The following PPP1R13B variants were observed in gnomAD, a reference collection of about 807,000 sequenced individuals.
PPP1R13B encodes the protein protein phosphatase 1 regulatory subunit 13B.
A neutral mutation model predicts 119.8 loss-of-function variants in PPP1R13B; 44 were observed. The ratio of observed to expected loss-of-function variants is 0.37; its 90% confidence interval spans 0.29 to 0.47. The LOEUF is 0.47. Ranked by LOEUF, PPP1R13B falls within the 20% of genes least tolerant of loss-of-function variation. PPP1R13B has a pLI of 0.99. For missense variants in PPP1R13B, 1,227 were observed against 1,413.5 expected (o/e 0.87, Z 2.12); for synonymous variants, 542 against 561.5 (o/e 0.97, Z 0.49).
chr14:103,813,707 GAGTA>G (rs1212102656), intron 1 of PPP1R13B, among the ~76,000 whole-genome samples: 3 of 152,148 alleles, frequency 2.0e-5, no homozygotes, highest in Non-Finnish European at 4.4e-5. Context: ...GGTAAGAGAA[GAGTA>G]ACATAGGGTG....
intron 1 of PPP1R13B, among the ~76,000 whole-genome samples, chr14:103,826,814 CT>C (rs1163528202): frequency 1.3e-5 from 2 of 151,494 alleles, no homozygotes; most frequent in Non-Finnish European, 2.9e-5. Flanking sequence ...AGAGACCATC[CT>C]GGCTAACAAG....
At chr14:103,750,548 AGGCCGGGTGCGGTGGCTCAC>A (rs1397143744) in intron 7 of PPP1R13B, among the ~76,000 whole-genome samples, 20 of 152,354 alleles carry the variant, frequency 1.3e-4, no homozygotes, top group African/African-American at 4.8e-4. Flanking sequence ...ACTGGATTGC[AGGCCGGGTGCGGTGGCTCAC>A]GCCTGTAATC....
At chr14:103,773,597 A>G (rs2085119062) in intron 4 of PPP1R13B, among the ~76,000 whole-genome samples, 1 of 152,234 alleles carries the variant, frequency 6.6e-6, no homozygotes, top group African/African-American at 2.4e-5. Flanking sequence ...AAAAGAACAG[A>G]CGAGAAATAA....
At position 103,756,095 on chromosome 14, in the gene PPP1R13B, C is replaced by CT. The variant is rs111939637; in HGVS notation, c.456+1554dup. On this transcript the variant is annotated intron_variant, in intron 5 of 16. Transcript: ENST00000202556. Reference sequence around the variant, plus strand: ...TAAAGCCAGTTTGGAATTTTTTTTTCTTTTTTTTTTTCATTTTGAGACAGA... The same window carrying CT: ...TAAAGCCAGTTTGGAATTTTTTTTTCTTTTTTTTTTTTCATTTTGAGACAGA... Among the ~76,000 whole-genome samples the CT allele has an allele frequency of 1.3e-3, 192 of 144,722 alleles. 3 individuals carry two copies. In the East Asian group the frequency reaches 0.021, roughly 16 times the overall value. The allele number at this position is 144,722 out of a possible 152,430, so 94.9% of individuals were successfully genotyped here.
intron 4 of PPP1R13B, among the ~76,000 whole-genome samples, chr14:103,774,573 G>T (rs540038627): frequency 6.6e-6 from 1 of 152,072 alleles, no homozygotes; most frequent in Non-Finnish European, 1.5e-5. Flanking sequence ...GAACTTCCCC[G>T]GCTTCTTAGT....
At position 103,784,933 on chromosome 14, in the gene PPP1R13B, CT is replaced by C; in HGVS notation, c.158-20del. The C allele has an allele frequency of 1.3e-6, 2 of 1,542,844 alleles. No individual in the cohort carries two copies. Among genetic ancestry groups the C allele is most frequent in the South Asian group, 1.2e-5 (1 of 82,010 alleles). On this transcript the variant is annotated intron_variant, in intron 2 of 16. Transcript: ENST00000202556. ...GGACGTTCTAGGAAAAAGACCACAT[CT>C]TTTTTACTCCAGAATTAAAATGACT... is the stretch of plus-strand genomic sequence containing the variant.
chr14:103,838,147 CAACAATAAA>C (rs930943559), intron 1 of PPP1R13B, among the ~76,000 whole-genome samples: 6 of 151,610 alleles, frequency 4.0e-5, no homozygotes, highest in African/African-American at 1.2e-4. Flanking sequence ...AAGTAAATAA[CAACAATAAA>C]AACATTTGGT....
intron 1 of PPP1R13B, among the ~76,000 whole-genome samples, chr14:103,801,055 G>T (rs1199513336): frequency 6.6e-6 from 1 of 152,098 alleles, no homozygotes. Context: ...TCTCCACATT[G>T]ATCAGGCTGC....
intron 1 of PPP1R13B, among the ~76,000 whole-genome samples, chr14:103,799,232 G>A (rs564995257): frequency 2.4e-4 from 36 of 152,186 alleles, no homozygotes; most frequent in African/African-American, 8.4e-4. Context: ...AGGCTGGAGT[G>A]CAGTGGCGCA....
At chr14:103,741,223 G>C (rs556136332) in intron 11 of PPP1R13B, among the ~76,000 whole-genome samples, 2 of 152,212 alleles carry the variant, frequency 1.3e-5, no homozygotes, top group African/African-American at 4.8e-5. Context: ...GCTTCCTCCC[G>C]TAAGAGTCGG....
At chr14:103,758,348 T>G (rs1287657528) in intron 4 of PPP1R13B, among the ~76,000 whole-genome samples, 1 of 152,212 alleles carries the variant, frequency 6.6e-6, no homozygotes, top group African/African-American at 2.4e-5. Context: ...TGCCCTGAAC[T>G]AAACACTTTA....
rs1473658281 is a variant in PPP1R13B, at chr14:103,740,631, C to G, written c.1823-38G>C. 6.8e-7 allele frequency: 1 copy of G among 1,461,424 alleles called. No individual in the cohort carries two copies. Among genetic ancestry groups the G allele is most frequent in the African/African-American group, 1.4e-5 (1 of 71,124 alleles). 90.5% of individuals were successfully genotyped at this position (1,461,424 alleles called of 1,614,324 possible). On this transcript the variant is annotated intron_variant, in intron 11 of 16. Coordinates refer to ENST00000202556, the MANE Select transcript of PPP1R13B (RefSeq NM_015316.3). The surrounding 1 kb of genome is among the most constrained non-coding windows in gnomAD (Gnocchi z 4.6). ...CAAAGGACAGGCAATTTTGACCTCACTACAGAGATCTAGTCATACACACCT... is the reference window on the plus strand; with the variant it reads ...CAAAGGACAGGCAATTTTGACCTCAGTACAGAGATCTAGTCATACACACCT...
chr14:103,821,368 C>G (rs985203640), intron 1 of PPP1R13B, among the ~76,000 whole-genome samples: 4 of 152,254 alleles, frequency 2.6e-5, no homozygotes, highest in African/African-American at 9.6e-5. Context: ...GGAAGCCTCC[C>G]CGCAACTTTT....
chr14:103,844,707 C>A (rs1168537899), intron 1 of PPP1R13B, among the ~76,000 whole-genome samples: 1 of 152,014 alleles, frequency 6.6e-6, no homozygotes, highest in Non-Finnish European at 1.5e-5. Flanking sequence ...GCCTGGGCAA[C>A]AGAGTGAGAC....
chr14:103,840,829 T>C (rs2086890908), intron 1 of PPP1R13B, among the ~76,000 whole-genome samples: 1 of 151,968 alleles, frequency 6.6e-6, no homozygotes, highest in South Asian at 2.1e-4. Flanking sequence ...AGAACATTAT[T>C]GTGTATTTTG....
intron 4 of PPP1R13B, among the ~76,000 whole-genome samples, chr14:103,772,264 C>A (rs1312702936): frequency 1.3e-5 from 2 of 152,194 alleles, no homozygotes; most frequent in African/African-American, 4.8e-5. Flanking sequence ...TGGGTTGTTG[C>A]CAGATTTTGG....
At chr14:103,820,050 T>C (rs1157470789) in intron 1 of PPP1R13B, among the ~76,000 whole-genome samples, 1 of 152,106 alleles carries the variant, frequency 6.6e-6, no homozygotes, top group Admixed American at 6.5e-5. Context: ...AGTAGTCCTC[T>C]ACCTGCCAAC....
At chr14:103,752,723 C>G (rs889262354) in intron 7 of PPP1R13B, among the ~76,000 whole-genome samples, 1 of 151,848 alleles carries the variant, frequency 6.6e-6, no homozygotes, top group Admixed American at 6.6e-5. Context: ...TTAGTAGAGA[C>G]GGGGTTTCAC....
At chr14:103,848,060 C>T (rs1164033447), upstream of PPP1R13B, among the ~76,000 whole-genome samples, 2 of 151,838 alleles carry the variant, frequency 1.3e-5, no homozygotes, top group Admixed American at 1.3e-4. Context: ...GTGGGAGGGG[C>T]GCGGGGGGCC....
Sources: gnomAD v4.1 joint callset for allele counts (sites outside exome capture counted in the v4.1 genomes callset) on GRCh38, gnomAD v4.1.1 for gene constraint, Gnocchi (gnomAD v3.1) non-coding constraint, MANE v1.5 for transcripts, NCBI Gene and HGNC (gene_info 2026-07-23, HGNC 2026-07-21) for gene names.